FSTL5: variants seen among roughly 807,000 people sequenced by gnomAD.
FSTL5 encodes the protein follistatin-related protein 5.
Under a neutral mutation model 89.1 loss-of-function variants are expected in FSTL5, and 62 were observed. The observed-to-expected ratio is 0.70, with a 90% CI of 0.57 to 0.86. The LOEUF (loss-of-function observed/expected upper bound fraction) is 0.86. Among genes scored for constraint, FSTL5 ranks in the 40% least tolerant of loss-of-function variants. The pLI is 0.00. For missense variants in FSTL5, 1,057 were observed against 1,001.6 expected (o/e 1.06, Z -0.75); for synonymous variants, 383 against 346.2 (o/e 1.11, Z -1.18).
intron 6 of FSTL5, among the ~76,000 whole-genome samples, chr4:161,731,766 G>A (rs770340894): frequency 5.3e-5 from 8 of 150,834 alleles, no homozygotes; most frequent in South Asian, 2.1e-4. Context: ...GCTAATTTTC[G>A]TCTGCCCTCT....
At chr4:161,632,172 A>G (rs1025810589) in intron 7 of FSTL5, among the ~76,000 whole-genome samples, 1 of 152,130 alleles carries the variant, frequency 6.6e-6, no homozygotes, top group Admixed American at 6.5e-5. Flanking sequence ...TGAGGTCAGG[A>G]GTTTGAGACC....
At chr4:161,994,355 G>C (rs926246575) in intron 3 of FSTL5, among the ~76,000 whole-genome samples, 1 of 152,116 alleles carries the variant, frequency 6.6e-6, no homozygotes, top group South Asian at 2.1e-4. Context: ...AAACATTCAT[G>C]CATGTATGGT....
intron 1 of FSTL5, among the ~76,000 whole-genome samples, chr4:162,130,672 C>T (rs1732265737): frequency 6.6e-6 from 1 of 152,002 alleles, no homozygotes; most frequent in African/African-American, 2.4e-5. Flanking sequence ...TGAGTGATTA[C>T]CTTATTTGAG....
intron 3 of FSTL5, among the ~76,000 whole-genome samples, chr4:161,982,012 A>T (rs1398665251): frequency 6.6e-6 from 1 of 152,200 alleles, no homozygotes; most frequent in Non-Finnish European, 1.5e-5. Context: ...AATCTAGTTC[A>T]TTAATTCTTA....
At chr4:162,099,442 T>C (rs1156413164) in intron 2 of FSTL5, among the ~76,000 whole-genome samples, 1 of 152,114 alleles carries the variant, frequency 6.6e-6, no homozygotes, top group Non-Finnish European at 1.5e-5. Context: ...CAAGAATGGA[T>C]TCACAATAAA....
At chr4:161,497,179 T>C (rs569539245) in intron 12 of FSTL5, among the ~76,000 whole-genome samples, 1 of 152,262 alleles carries the variant, frequency 6.6e-6, no homozygotes, top group South Asian at 2.1e-4. Context: ...TACTTGCATG[T>C]ACATGACAGT....
chr4:161,576,228 A>G (rs898155540), intron 8 of FSTL5, among the ~76,000 whole-genome samples: 8 of 152,246 alleles, frequency 5.3e-5, no homozygotes, highest in African/African-American at 1.9e-4. Flanking sequence ...CAATATCATG[A>G]AAATGGCCAT....
At chr4:161,692,003 A>G (rs1003683217) in intron 6 of FSTL5, among the ~76,000 whole-genome samples, 2 of 152,114 alleles carry the variant, frequency 1.3e-5, no homozygotes, top group African/African-American at 4.8e-5. Context: ...ACATGTACCT[A>G]CAAAAATACA....
At chr4:162,133,305 T>C (rs1397527131) in intron 1 of FSTL5, among the ~76,000 whole-genome samples, 1 of 152,206 alleles carries the variant, frequency 6.6e-6, no homozygotes, top group Non-Finnish European at 1.5e-5. Flanking sequence ...AGTAAATGAT[T>C]GCACGAGTGA....
intron 13 of FSTL5, among the ~76,000 whole-genome samples, chr4:161,463,032 A>C (rs1467733779): frequency 1.3e-5 from 2 of 152,160 alleles, no homozygotes; most frequent in Non-Finnish European, 2.9e-5. Context: ...TAAAGAACGA[A>C]TATTTTTATG....
chr4:161,676,114 G>A (rs979281579), intron 6 of FSTL5, among the ~76,000 whole-genome samples: 2 of 152,046 alleles, frequency 1.3e-5, no homozygotes, highest in Non-Finnish European at 2.9e-5. Context: ...CTATATCATA[G>A]AAACCTTGAT....
chr4:161,710,169 T>C (rs1272120288), intron 6 of FSTL5, among the ~76,000 whole-genome samples: 1 of 152,128 alleles, frequency 6.6e-6, no homozygotes, highest in Non-Finnish European at 1.5e-5. Context: ...TGCTCCACCA[T>C]GTTGCCCAGG....
At position 162,078,507 on chromosome 4, in the gene FSTL5, G is replaced by A. The variant is rs182867977; in HGVS notation, c.126+32764C>T. On this transcript the variant is annotated intron_variant, in intron 2 of 15. Coordinates refer to ENST00000306100, the MANE Select transcript of FSTL5 (RefSeq NM_020116.5). ...AAATTGGTAACCAATACATGATGCC[G>A]TTCTCCCATCTCCCAGAGTGCCAGG... Among the ~76,000 whole-genome samples the A allele has an allele frequency of 9.9e-5, 15 of 151,906 alleles. 1 individual carries two copies. Among genetic ancestry groups the A allele is most frequent in the Admixed American group, 7.2e-4 (11 of 15,186 alleles).
intron 6 of FSTL5, among the ~76,000 whole-genome samples, chr4:161,697,660 T>G (rs1182655878): frequency 6.6e-6 from 1 of 152,172 alleles, no homozygotes; most frequent in African/African-American, 2.4e-5. Context: ...AATGGAATAC[T>G]ATTCATCCAT....
intron 8 of FSTL5, among the ~76,000 whole-genome samples, chr4:161,578,187 G>A (rs971943522): frequency 6.7e-6 from 1 of 149,416 alleles, no homozygotes; most frequent in East Asian, 2.0e-4. Flanking sequence ...TGCAAGCAGG[G>A]ACTTTAAGTA....
chr4:161,832,357 T>A (rs1274174608), intron 4 of FSTL5, among the ~76,000 whole-genome samples: 1 of 152,180 alleles, frequency 6.6e-6, no homozygotes, highest in Non-Finnish European at 1.5e-5. Context: ...GAAATGTGTC[T>A]CTGCCTGGCT....
intron 2 of FSTL5, among the ~76,000 whole-genome samples, chr4:162,097,002 T>A (rs1182137198): frequency 6.6e-6 from 1 of 151,918 alleles, no homozygotes. Flanking sequence ...TAAGACTTGT[T>A]AAAGTCTAAA....
At chr4:161,658,994 C>T (rs910893259) in intron 6 of FSTL5, among the ~76,000 whole-genome samples, 18 of 152,146 alleles carry the variant, frequency 1.2e-4, no homozygotes, top group African/African-American at 4.3e-4. Flanking sequence ...ATTAGTTGTG[C>T]TTTTTATAGT....
chr4:161,858,587 A>G (rs1178889904), intron 4 of FSTL5, among the ~76,000 whole-genome samples: 1 of 152,206 alleles, frequency 6.6e-6, no homozygotes, highest in East Asian at 1.9e-4. Context: ...TCTTCTAAAT[A>G]TACTATTTTA....
Sources: allele counts gnomAD v4.1 joint callset (sites outside exome capture counted in the v4.1 genomes callset), GRCh38; gene constraint gnomAD v4.1.1; transcripts MANE v1.5; gene names NCBI Gene and HGNC (gene_info 2026-07-23, HGNC 2026-07-21).